HECTD4: variants seen among roughly 807,000 people sequenced by gnomAD.
HECTD4 encodes HECT domain E3 ubiquitin protein ligase 4.
In HECTD4, 114 loss-of-function variants were observed where a neutral mutation model predicts 471.5. That is an observed-to-expected ratio of 0.24 (90% CI 0.21 to 0.28). HECTD4 has a LOEUF of 0.28. Among genes scored for constraint, HECTD4 ranks in the 10% least tolerant of loss-of-function variants. The pLI, the probability that HECTD4 is intolerant of heterozygous loss-of-function variation, is 1.00. For missense variants in HECTD4, 3,866 were observed against 5,651.5 expected (o/e 0.68, Z 10.13); for synonymous variants, 2,012 against 2,256.0 (o/e 0.89, Z 3.07).
At chr12:112,295,076 G>C (rs2034975862) in intron 7 of HECTD4, among the ~76,000 whole-genome samples, 1 of 151,952 alleles carries the variant, frequency 6.6e-6, no homozygotes, top group African/African-American at 2.4e-5. Context: ...AGACAAGGCA[G>C]GCCGGACTAC....
At chr12:112,354,699 AAC>A (rs897304388) in intron 1 of HECTD4, among the ~76,000 whole-genome samples, 10 of 150,970 alleles carry the variant, frequency 6.6e-5, no homozygotes, top group South Asian at 4.2e-4. Context: ...ACAAAACAAC[AAC>A]ACACACACAC....
intron 60 of HECTD4, among the ~76,000 whole-genome samples, chr12:112,187,334 G>A (rs2031909410): frequency 6.6e-6 from 1 of 152,142 alleles, no homozygotes; most frequent in Admixed American, 6.6e-5. Context: ...ACAGGGAACA[G>A]CATTCAGCTA....
chr12:112,225,989 T>C (rs554881294), intron 44 of HECTD4, among the ~76,000 whole-genome samples: 9 of 152,196 alleles, frequency 5.9e-5, no homozygotes, highest in Non-Finnish European at 1.2e-4. Flanking sequence ...AATGGTGTTG[T>C]AGTTATTTAA....
chr12:112,352,386 A>G (rs1446837348), intron 1 of HECTD4, among the ~76,000 whole-genome samples: 1 of 147,722 alleles, frequency 6.8e-6, no homozygotes, highest in Non-Finnish European at 1.5e-5. Flanking sequence ...CCCAGGCTGG[A>G]GTGCTGCAGC....
intron 7 of HECTD4, among the ~76,000 whole-genome samples, chr12:112,286,140 G>A (rs2034747660): frequency 6.6e-6 from 1 of 152,190 alleles, no homozygotes; most frequent in African/African-American, 2.4e-5. Context: ...CTGCAAAATG[G>A]TAAATCTGCT....
Position 112,161,076 on chromosome 12 carries a change from C to T in HECTD4, c.*1311G>A, listed in dbSNP as rs2030672202. ...ATCTTCTTTCTTGGACCAGCATCCA[C>T]ACTCCAAAACCTTCTAGACAGCACT... is the stretch of plus-strand genomic sequence containing the variant. On this transcript the variant is annotated 3_prime_UTR_variant, in exon 76 of 76. Coordinates refer to ENST00000682272, the MANE Select transcript of HECTD4 (RefSeq NM_001388303.1). 1 of 152,242 alleles carries T rather than the reference C, an allele frequency of 6.6e-6. No homozygotes were observed. Among genetic ancestry groups the T allele is most frequent in the African/African-American group, 2.4e-5 (1 of 41,454 alleles). 9.4% of individuals were successfully genotyped at this position (152,242 alleles called of 1,614,324 possible). A position where few individuals can be genotyped will look rare whatever the true frequency, so the allele number is the denominator to read the frequency against.
At chr12:112,242,139 C>G (rs2033655189) in intron 32 of HECTD4, among the ~76,000 whole-genome samples, 1 of 152,054 alleles carries the variant, frequency 6.6e-6, no homozygotes, top group Non-Finnish European at 1.5e-5. Context: ...GAAATTGGTT[C>G]AGTAATAACA....
At position 112,223,539 on chromosome 12, in the gene HECTD4, C is replaced by T. The variant is rs936738926; in HGVS notation, c.6970+3104G>A. Among the ~76,000 whole-genome samples, 21 of 152,270 alleles carry T rather than the reference C, an allele frequency of 1.4e-4. No individual in the cohort carries two copies. The South Asian group carries it at 1.9e-3, about 14-fold the overall frequency. Reference sequence around the variant, plus strand: ...GGATCAACTGATTCTTATGCCTCAGCCTCCCAAGTAGCTGGGATTACAGGC... The same window carrying T: ...GGATCAACTGATTCTTATGCCTCAGTCTCCCAAGTAGCTGGGATTACAGGC... On this transcript the variant is annotated intron_variant, in intron 44 of 75. Transcript: ENST00000682272.
chr12:112,250,045 A>T, intron 25 of HECTD4, 99 bp downstream of exon 25: 1 of 840,284 alleles, frequency 1.2e-6, no homozygotes, highest in Non-Finnish European at 1.9e-6. Context: ...ACATAAAATT[A>T]AAGTTTCATT....
chr12:112,231,918 C>A (rs1450360033), intron 38 of HECTD4, among the ~76,000 whole-genome samples: 4 of 152,106 alleles, frequency 2.6e-5, no homozygotes, highest in African/African-American at 4.8e-5. Context: ...ATCTAGATAA[C>A]TTCTGTGCAA....
chr12:112,346,822 C>T (rs1011414229), intron 1 of HECTD4, among the ~76,000 whole-genome samples: 41 of 152,184 alleles, frequency 2.7e-4, no homozygotes, highest in African/African-American at 9.4e-4. Context: ...TTTTAAAATA[C>T]GAGAAAAGGA....
intron 72 of HECTD4, among the ~76,000 whole-genome samples, chr12:112,164,585 G>A (rs1179254593): frequency 1.3e-5 from 2 of 151,942 alleles, no homozygotes; most frequent in East Asian, 1.9e-4. Context: ...ACCTCTGCCC[G>A]TGCGCTGGGA....
Position 112,179,398 on chromosome 12 carries a change from C to T in HECTD4, c.10988-1G>A. 1 of 1,608,334 alleles carries T rather than the reference C, an allele frequency of 6.2e-7. No homozygotes were observed. Among genetic ancestry groups the T allele is most frequent in the Non-Finnish European group, 8.5e-7 (1 of 1,177,342 alleles). ...CTGGCTCCGGGCACCAGCTTCTCCC[C>T]TGTTGGATGGAGAGGGGGCAAAACA... On this transcript the variant is annotated splice_acceptor_variant, in intron 62 of 75. Coordinates refer to ENST00000682272, the MANE Select transcript of HECTD4 (RefSeq NM_001388303.1). LOFTEE classifies it high-confidence loss of function. This position sits in a 1 kb window ranked among gnomAD's most constrained non-coding sequence, Gnocchi z 4.3.
chr12:112,208,099 C>T (rs1369328568), intron 51 of HECTD4, 99 bp from the exon 52 acceptor site: 11 of 1,338,556 alleles, frequency 8.2e-6, no homozygotes. Flanking sequence ...CTTCACCCCA[C>T]TTAAATGCCA....
intron 55 of HECTD4, among the ~76,000 whole-genome samples, chr12:112,197,187 C>T (rs1380291944): frequency 1.3e-5 from 2 of 152,212 alleles, no homozygotes; most frequent in African/African-American, 2.4e-5. Context: ...GCTAAGATTA[C>T]AGGCGTGAGC....
At chr12:112,367,834 A>C (rs930561543) in intron 1 of HECTD4, among the ~76,000 whole-genome samples, 46 of 149,736 alleles carry the variant, frequency 3.1e-4, no homozygotes, top group African/African-American at 4.6e-4. Context: ...AAAAAAAAAA[A>C]AAAAAAAAAA....
chr12:112,277,177 T>A (rs1205944921), intron 9 of HECTD4, among the ~76,000 whole-genome samples: 1 of 152,014 alleles, frequency 6.6e-6, no homozygotes, highest in Non-Finnish European at 1.5e-5. Flanking sequence ...TAGAAACAAC[T>A]CAAATGTCCA....
rs190366856 is a variant in HECTD4 at position 112,188,929 on chromosome 12, C to T, written c.9472+1857G>A. Among the ~76,000 whole-genome samples the T allele has an allele frequency of 1.3e-5, 2 of 152,324 alleles. No homozygotes were observed. Among genetic ancestry groups the T allele is most frequent in the Admixed American group, 6.5e-5 (1 of 15,304 alleles). On this transcript the variant is annotated intron_variant, in intron 60 of 75. Transcript: ENST00000682272. The surrounding 1 kb of genome is among the most constrained non-coding windows in gnomAD (Gnocchi z 4.2). Reference sequence around the variant, plus strand: ...TCTACCATTTAGCATTCATGTAAGACGACCTTGGAGAGAATTCTTCACCAA... The same window carrying T: ...TCTACCATTTAGCATTCATGTAAGATGACCTTGGAGAGAATTCTTCACCAA...
At chr12:112,320,321 G>A (rs1263789648) in intron 1 of HECTD4, among the ~76,000 whole-genome samples, 1 of 151,866 alleles carries the variant, frequency 6.6e-6, no homozygotes, top group East Asian at 1.9e-4. Flanking sequence ...GTGACAGAGC[G>A]AGACCCTGTC....
Sources: allele counts gnomAD v4.1 joint callset (sites outside exome capture counted in the v4.1 genomes callset), GRCh38; gene constraint gnomAD v4.1.1; non-coding constraint Gnocchi (gnomAD v3.1); transcripts MANE v1.5; gene names NCBI Gene and HGNC (gene_info 2026-07-23, HGNC 2026-07-21).